Variants in PARD3B observed in about 807,000 individuals in gnomAD.
PARD3B encodes the protein partitioning defective 3 homolog B.
PARD3B carries 103 observed loss-of-function variants against 130.2 expected under a neutral mutation model. That is an observed-to-expected ratio of 0.79 (90% CI 0.67 to 0.93). The LOEUF is 0.93. PARD3B is among the 40% of genes least tolerant of loss of function. PARD3B has a pLI of 0.00. For synonymous variants in PARD3B, 583 were observed against 553.2 expected (o/e 1.05, Z -0.76); for missense variants, 1,609 against 1,499.2 (o/e 1.07, Z -1.21).
In PARD3B at chr2:205,499,949, A is replaced by G. The variant is rs1158444294; in HGVS notation, c.3098A>G (p.Tyr1033Cys). The change falls in exon 21 of 23, where the codon TAT (tyrosine) becomes TGT (cysteine). Residue 1033 changes from tyrosine to cysteine, a missense_variant. Transcript: ENST00000406610. ...TDRIQKLRKE[Y>C]YQARREGFPL... is the part of the protein sequence containing the mutation. ...CGTATCCAGAAGTTGCGGAAAGAGT[A>G]TTATCAGGCTCGGAGGGAAGGTTTC... The G allele has an allele frequency of 1.2e-6, 2 of 1,613,902 alleles. No homozygotes were observed. Among genetic ancestry groups the G allele is most frequent in the Admixed American group, 1.7e-5 (1 of 60,018 alleles).
chr2:204,948,749 G>A (rs1001971829), intron 2 of PARD3B, among the ~76,000 whole-genome samples: 1 of 152,122 alleles, frequency 6.6e-6, no homozygotes, highest in African/African-American at 2.4e-5. Flanking sequence ...ATTTGTCTTA[G>A]TCCAATAAAA....
At chr2:205,198,546 C>T (rs2036818215) in intron 15 of PARD3B, among the ~76,000 whole-genome samples, 1 of 152,158 alleles carries the variant, frequency 6.6e-6, no homozygotes, top group African/African-American at 2.4e-5. Context: ...TAGACACCCA[C>T]AATTGAAGTA....
intron 2 of PARD3B, among the ~76,000 whole-genome samples, chr2:204,831,461 T>C (rs968771568): frequency 5.9e-5 from 9 of 152,330 alleles, no homozygotes; most frequent in African/African-American, 2.2e-4. Flanking sequence ...TAATAACTTA[T>C]GTTCAGAAAT....
At chr2:205,162,302 G>A (rs1437760886) in intron 11 of PARD3B, among the ~76,000 whole-genome samples, 1 of 152,204 alleles carries the variant, frequency 6.6e-6, no homozygotes, top group Non-Finnish European at 1.5e-5. Flanking sequence ...AAACTCTTCT[G>A]TGCATGCATC....
chr2:205,096,317 G>A (rs973036659), intron 4 of PARD3B, among the ~76,000 whole-genome samples: 11 of 152,120 alleles, frequency 7.2e-5, no homozygotes, highest in African/African-American at 2.4e-4. Context: ...ACAAAGCAAT[G>A]ATGAACTTAT....
chr2:204,861,273 G>A (rs2045191067), intron 2 of PARD3B, among the ~76,000 whole-genome samples: 1 of 146,884 alleles, frequency 6.8e-6, no homozygotes, highest in South Asian at 2.2e-4. Flanking sequence ...CTTTCACGTA[G>A]TAACTTTTAT....
intron 18 of PARD3B, among the ~76,000 whole-genome samples, chr2:205,393,164 A>G (rs758594817): frequency 2.6e-5 from 4 of 152,230 alleles, no homozygotes; most frequent in Non-Finnish European, 5.9e-5. Flanking sequence ...GCGTATGCTA[A>G]TTCAGAACCC....
At position 205,607,175 on chromosome 2, in the gene PARD3B, T is replaced by A. The variant is rs575679598; in HGVS notation, c.3261-8281T>A. On this transcript the variant is annotated intron_variant, in intron 22 of 22. Transcript: ENST00000406610. ...TTCCCACATGGAATGTTGTTTGTGC[T>A]CTTTCTGCAAGCACCATCAGCAGTT... Among the ~76,000 whole-genome samples the A allele has an allele frequency of 2.0e-5, 3 of 152,136 alleles. No homozygotes were observed. In the South Asian group the frequency reaches 6.2e-4, roughly 32 times the overall value.
rs576492913 is a variant in PARD3B at position 205,125,011 on chromosome 2, G to A, written c.1305+545G>A. 1.3e-3 allele frequency among the ~76,000 whole-genome samples: 199 copies of A among 152,220 alleles called. 2 individuals carry two copies. The highest frequency in any genetic ancestry group is 4.3e-3 in the African/African-American group (180 of 41,544). On this transcript the variant is annotated intron_variant, in intron 9 of 22. Coordinates refer to ENST00000406610, the MANE Select transcript of PARD3B (RefSeq NM_001302769.2). This position sits in a 1 kb window ranked among gnomAD's most constrained non-coding sequence, Gnocchi z 4.0. The stretch of plus-strand genomic sequence containing the variant: ...TTTATTTTTGTCTGAGGACATTATC[G>A]TCTTGATAATTATATATTGTCCATT...
At chr2:205,400,457 G>A (rs993244056) in intron 18 of PARD3B, among the ~76,000 whole-genome samples, 3 of 151,890 alleles carry the variant, frequency 2.0e-5, no homozygotes, top group Non-Finnish European at 2.9e-5. Flanking sequence ...TCTCGCCAAC[G>A]TGGTGAAACC....
chr2:204,582,916 G>A (rs1446651423), intron 1 of PARD3B, among the ~76,000 whole-genome samples: 1 of 152,116 alleles, frequency 6.6e-6, no homozygotes, highest in Non-Finnish European at 1.5e-5. Context: ...TTTTTTGGCT[G>A]CATAAATGTC....
At chr2:205,432,197 C>T (rs1236731972) in intron 19 of PARD3B, among the ~76,000 whole-genome samples, 3 of 152,134 alleles carry the variant, frequency 2.0e-5, no homozygotes, top group Non-Finnish European at 4.4e-5. Context: ...CAGTGATACA[C>T]CTGTATGGAC....
At chr2:205,184,768 A>G (rs931978788) in intron 13 of PARD3B, among the ~76,000 whole-genome samples, 2 of 149,146 alleles carry the variant, frequency 1.3e-5, no homozygotes, top group Non-Finnish European at 3.0e-5. Context: ...ATAAATATAT[A>G]CACACACACA....
At chr2:204,592,934 A>G (rs562902262) in intron 1 of PARD3B, among the ~76,000 whole-genome samples, 2 of 152,328 alleles carry the variant, frequency 1.3e-5, no homozygotes, top group Admixed American at 1.3e-4. Flanking sequence ...TCAAGGTTCA[A>G]CCATGTTGTA....
chr2:205,144,243 T>C (rs1242196968), intron 10 of PARD3B, among the ~76,000 whole-genome samples: 1 of 152,210 alleles, frequency 6.6e-6, no homozygotes, highest in African/African-American at 2.4e-5. Flanking sequence ...ATGGGAGATA[T>C]GTGGAGCAGA....
At chr2:205,030,772 G>T (rs976311655) in intron 3 of PARD3B, among the ~76,000 whole-genome samples, 1 of 152,124 alleles carries the variant, frequency 6.6e-6, no homozygotes, top group Non-Finnish European at 1.5e-5. Context: ...GGAAGCTATG[G>T]TAAATTGTTT....
At chr2:204,926,279 C>T (rs1687609423) in intron 2 of PARD3B, among the ~76,000 whole-genome samples, 1 of 152,198 alleles carries the variant, frequency 6.6e-6, no homozygotes, top group East Asian at 1.9e-4. Flanking sequence ...GAAATGTCCA[C>T]TCTGTTATCT....
At chr2:204,618,490 C>T (rs2034188347) in intron 1 of PARD3B, among the ~76,000 whole-genome samples, 1 of 152,192 alleles carries the variant, frequency 6.6e-6, no homozygotes, top group African/African-American at 2.4e-5. Flanking sequence ...TGTGATCACA[C>T]TCTTAGTGGA....
chr2:204,956,102 T>C (rs1690214678), intron 2 of PARD3B, among the ~76,000 whole-genome samples: 2 of 152,180 alleles, frequency 1.3e-5, no homozygotes, highest in South Asian at 2.1e-4. Flanking sequence ...GCCATGCTCT[T>C]TGGGCTTATT....
Sources: gnomAD v4.1 joint callset for allele counts (sites outside exome capture counted in the v4.1 genomes callset) on GRCh38, gnomAD v4.1.1 for gene constraint, Gnocchi (gnomAD v3.1) non-coding constraint, MANE v1.5 for transcripts, NCBI Gene and HGNC (gene_info 2026-07-23, HGNC 2026-07-21) for gene names.